The following CDH6 variants were observed in gnomAD, a reference collection of about 807,000 sequenced individuals.
CDH6 encodes the protein cadherin-6.
A neutral mutation model predicts 78.0 loss-of-function variants in CDH6; 31 were observed. That is an observed-to-expected ratio of 0.40 (90% CI 0.30 to 0.54). The LOEUF (loss-of-function observed/expected upper bound fraction) is 0.54. CDH6 is among the 20% of genes least tolerant of loss of function. The pLI, the probability that CDH6 is intolerant of heterozygous loss-of-function variation, is 0.56. For missense variants in CDH6, 724 were observed against 975.9 expected, an observed-to-expected ratio of 0.74 and a Z score of 3.44; for synonymous variants, 376 against 368.8, an observed-to-expected ratio of 1.02 and a Z score of -0.23.
rs1003394849 is a variant in CDH6 at position 31,297,582 on chromosome 5, C to A, written c.643+174C>A. Among the ~76,000 whole-genome samples, 8 of 152,282 alleles carry A rather than the reference C, an allele frequency of 5.3e-5. No homozygotes were observed. In the South Asian group the frequency reaches 1.7e-3, roughly 32 times the overall value. ...ATCTGAATAATTTTAATCAAAAAAT[C>A]TGGCAATGAATCTTTCACCCACCCT... On this transcript the variant is annotated intron_variant, in intron 4 of 11. Coordinates refer to ENST00000265071, the MANE Select transcript of CDH6 (RefSeq NM_004932.4).
rs150409058 is a variant in CDH6 at position 31,271,754 on chromosome 5, G to C, written c.228+4053G>C. 6.2e-3 allele frequency among the ~76,000 whole-genome samples: 945 copies of C among 152,192 alleles called. 8 individuals are homozygous for C. The highest frequency in any genetic ancestry group is 0.022 in the African/African-American group (906 of 41,502). ...CTTGAGTGGCATCTGTGGCACCTGG[G>C]AACTTGTTAGGAAGGCAGAGTCTCG... On this transcript the variant is annotated intron_variant, in intron 2 of 11. Transcript: ENST00000265071.
chr5:31,287,611 A>G (rs13182053), intron 2 of CDH6, among the ~76,000 whole-genome samples: 44,848 of 152,122 alleles, frequency 0.29, 7,217 homozygotes, highest in Admixed American at 0.37. Context: ...AGTACAGAGC[A>G]TAAATTTACA....
Position 31,327,891 on chromosome 5 carries a change from A to G in CDH6, c.*4583A>G. The G allele has an allele frequency of 4.6e-6, 1 of 216,910 alleles. No homozygotes were observed. The highest frequency in any genetic ancestry group is 9.3e-6 in the Non-Finnish European group (1 of 107,778). 13.4% of individuals were successfully genotyped at this position (216,910 alleles called of 1,614,324 possible). A position where few individuals can be genotyped will look rare whatever the true frequency, so the allele number is the denominator to read the frequency against. Reference sequence around the variant, plus strand: ...TTAATAAAGAAATAGCTCATTTTTAAAGCCGGAAGTTTATGGTCTCTGCAT... The same window carrying G: ...TTAATAAAGAAATAGCTCATTTTTAGAGCCGGAAGTTTATGGTCTCTGCAT... On this transcript the variant is annotated 3_prime_UTR_variant, in exon 12 of 12. Transcript: ENST00000265071.
At chr5:31,221,993 C>A (rs1342124028) in intron 1 of CDH6, among the ~76,000 whole-genome samples, 1 of 152,146 alleles carries the variant, frequency 6.6e-6, no homozygotes, top group African/African-American at 2.4e-5. Context: ...TTTCTCCCAG[C>A]TAGTCAGCTT....
Position 31,302,295 on chromosome 5 carries a change from A to C in CDH6, c.996A>C (p.Lys332Asn). 6.2e-7 allele frequency: 1 copy of C among 1,609,544 alleles called. No homozygotes were observed. The highest frequency in any genetic ancestry group is 8.5e-7 in the Non-Finnish European group (1 of 1,176,584). Residue 332 changes from lysine to asparagine, a missense_variant, in exon 6 of 12, where the codon AAA becomes AAC. Physicochemically the swap from Lys to Asn is moderately conservative, Grantham distance 94 (BLOSUM62 0). This residue lies in a region of CDH6 where 446 missense variants were observed against 684.5 expected (regional missense o/e 0.65). Coordinates refer to ENST00000265071, the MANE Select transcript of CDH6 (RefSeq NM_004932.4). ...QETQEGIITVKKLLDFEKKKV... is the reference protein window; with the variant it reads ...QETQEGIITVNKLLDFEKKKV... The stretch of plus-strand genomic sequence containing the variant: ...CCCAGGAAGGGATTATAACTGTCAA[A>C]AAGGTAATGCCGCTTCTTAAACACC...
chr5:31,204,024 A>G (rs1258326913), intron 1 of CDH6, among the ~76,000 whole-genome samples: 1 of 152,232 alleles, frequency 6.6e-6, no homozygotes, highest in Non-Finnish European at 1.5e-5. Context: ...ACCTCCAGAT[A>G]CAAAAAGTGC....
intron 1 of CDH6, among the ~76,000 whole-genome samples, chr5:31,231,686 C>T (rs555387747): frequency 1.2e-3 from 182 of 152,308 alleles, no homozygotes; most frequent in Non-Finnish European, 2.1e-3. Context: ...CTTTACTCCC[C>T]ATGATAACTC....
chr5:31,302,911 G>GAAAGAAAGAAAGAAAGAAAGAAAGAA (rs1737846552), intron 6 of CDH6, among the ~76,000 whole-genome samples: 1 of 101,432 alleles, frequency 9.9e-6, no homozygotes, highest in African/African-American at 3.2e-5. Flanking sequence ...AAAAAAGAAA[G>GAAAGAAAGAAAGAAAGAAAGAAAGAA]AAAGAAAGAA....
chr5:31,245,112 A>G (rs979930428), intron 1 of CDH6, among the ~76,000 whole-genome samples: 1 of 152,218 alleles, frequency 6.6e-6, no homozygotes, highest in African/African-American at 2.4e-5. Context: ...TCTAGCAGGA[A>G]GCAAGTCCCA....
intron 1 of CDH6, among the ~76,000 whole-genome samples, chr5:31,253,567 G>A (rs1741972113): frequency 2.0e-5 from 3 of 152,060 alleles, no homozygotes; most frequent in Admixed American, 1.3e-4. Flanking sequence ...CCTTTCTAAG[G>A]GCACTAATCT....
At chr5:31,201,952 C>T (rs1740360928) in intron 1 of CDH6, among the ~76,000 whole-genome samples, 1 of 152,118 alleles carries the variant, frequency 6.6e-6, no homozygotes, top group East Asian at 1.9e-4. Context: ...TATGCTTTGC[C>T]AAGCTCATGG....
chr5:31,267,290 T>C, intron 1 of CDH6, 56 bp from the exon 2 acceptor site: 1 of 573,730 alleles, frequency 1.7e-6, no homozygotes, highest in Non-Finnish European at 3.1e-6. Context: ...CTATTTGCTC[T>C]AACACTGAAT....
At chr5:31,292,320 C>T (rs186110027) in intron 2 of CDH6, among the ~76,000 whole-genome samples, 5 of 152,144 alleles carry the variant, frequency 3.3e-5, no homozygotes, top group Non-Finnish European at 5.9e-5. Flanking sequence ...ACACTCAGAG[C>T]CTTTGACATG....
At chr5:31,267,884 T>C (rs1742407358) in intron 2 of CDH6, among the ~76,000 whole-genome samples, 183 bp downstream of exon 2, 1 of 152,108 alleles carries the variant, frequency 6.6e-6, no homozygotes, top group South Asian at 2.1e-4. Flanking sequence ...AGCTGAGAAA[T>C]GTTAGCCCTG....
intron 11 of CDH6, among the ~76,000 whole-genome samples, chr5:31,320,216 G>A (rs1246237580): frequency 1.3e-5 from 2 of 152,144 alleles, no homozygotes; most frequent in South Asian, 2.1e-4. Context: ...TCTAGACAGC[G>A]ACACTCTCAA....
intron 1 of CDH6, among the ~76,000 whole-genome samples, chr5:31,223,378 T>C (rs918580785): frequency 2.6e-5 from 4 of 152,220 alleles, no homozygotes; most frequent in Non-Finnish European, 5.9e-5. Flanking sequence ...TTAATTACTT[T>C]GCTGCTAATA....
chr5:31,303,933 C>T (rs1050779671), intron 6 of CDH6, among the ~76,000 whole-genome samples: 6 of 152,094 alleles, frequency 3.9e-5, no homozygotes, highest in African/African-American at 1.4e-4. Flanking sequence ...GAAATTTTGC[C>T]TAGACGACTA....
chr5:31,229,966 T>C (rs1268790939), intron 1 of CDH6, among the ~76,000 whole-genome samples: 1 of 152,224 alleles, frequency 6.6e-6, no homozygotes, highest in East Asian at 1.9e-4. Flanking sequence ...ATAATTAAAT[T>C]CTATCTTCCA....
At position 31,326,680 on chromosome 5, in the gene CDH6, A is replaced by ATTT. The variant is rs750696655; in HGVS notation, c.*3372_*3373insTTT. 1,261 of 130,280 alleles carry ATTT rather than the reference A, an allele frequency of 9.7e-3. 120 individuals carry two copies. The highest frequency in any genetic ancestry group is 0.031 in the African/African-American group (1,050 of 34,298). The allele number at this position is 130,280 out of a possible 1,614,324, so 8.1% of individuals were successfully genotyped here. On this transcript the variant is annotated 3_prime_UTR_variant, in exon 12 of 12. Coordinates refer to ENST00000265071, the MANE Select transcript of CDH6 (RefSeq NM_004932.4). ...CAAAGAGTTGTGCAGAAAATCTTAA[A>ATTT]ATTTTTTTTTTTTTTTTTTTTTTTT... is the stretch of plus-strand genomic sequence containing the variant.
Sources: allele counts gnomAD v4.1 joint callset (sites outside exome capture counted in the v4.1 genomes callset), GRCh38; gene constraint gnomAD v4.1.1; regional missense constraint gnomAD v4.1.1; transcripts MANE v1.5; gene names NCBI Gene and HGNC (gene_info 2026-07-23, HGNC 2026-07-21).